The following KCNJ3 variants were observed in gnomAD, a reference collection of about 807,000 sequenced individuals.
The protein encoded by KCNJ3 is potassium inwardly rectifying channel subfamily J member 3.
In KCNJ3, 4 loss-of-function variants were observed where a neutral mutation model predicts 39.2. The ratio of observed to expected loss-of-function variants is 0.10; its 90% CI spans 0.05 to 0.23. The LOEUF (loss-of-function observed/expected upper bound fraction) is 0.23, where lower values mean the gene tolerates loss of function less well. Among genes scored for constraint, KCNJ3 ranks in the 10% least tolerant of loss-of-function variants. The pLI, the probability that KCNJ3 is intolerant of heterozygous loss-of-function variation, is 1.00. For synonymous variants in KCNJ3, 230 were observed against 237.4 expected (o/e 0.97, Z 0.29); for missense variants, 276 against 634.9 (o/e 0.43, Z 6.08).
At chr2:154,806,203 A>G (rs1225707812) in intron 2 of KCNJ3, among the ~76,000 whole-genome samples, 1 of 152,192 alleles carries the variant, frequency 6.6e-6, no homozygotes, top group Non-Finnish European at 1.5e-5. Flanking sequence ...GAATACTGAC[A>G]GAAGACACAA....
intron 2 of KCNJ3, among the ~76,000 whole-genome samples, chr2:154,817,947 C>G (rs189654099): frequency 4.3e-4 from 62 of 145,720 alleles, no homozygotes; most frequent in African/African-American, 1.5e-3. Context: ...ATTTATTAAT[C>G]AAATAAGAAA....
chr2:154,843,721 G>C (rs1303408019), intron 2 of KCNJ3, among the ~76,000 whole-genome samples: 2 of 151,974 alleles, frequency 1.3e-5, no homozygotes, highest in Admixed American at 1.3e-4. Flanking sequence ...TATTCCACTT[G>C]ATCAAATCGG....
chr2:154,745,107 C>G (rs1685717382), intron 2 of KCNJ3, among the ~76,000 whole-genome samples: 1 of 151,804 alleles, frequency 6.6e-6, no homozygotes, highest in South Asian at 2.1e-4. Context: ...CATTTAAAAC[C>G]TCTTACATTT....
intron 2 of KCNJ3, among the ~76,000 whole-genome samples, chr2:154,760,738 T>G (rs79749455): frequency 7.2e-6 from 1 of 138,366 alleles, no homozygotes; most frequent in Non-Finnish European, 1.5e-5. Context: ...TTTTTTTCTT[T>G]TTTTTTTTTT....
At chr2:154,705,165 T>C (rs1191056015) in intron 1 of KCNJ3, among the ~76,000 whole-genome samples, 1 of 152,176 alleles carries the variant, frequency 6.6e-6, no homozygotes, top group Non-Finnish European at 1.5e-5. Context: ...AAGAACGTAG[T>C]TACATATTAG....
intron 2 of KCNJ3, among the ~76,000 whole-genome samples, chr2:154,756,808 A>T (rs918427036): frequency 1.3e-5 from 2 of 152,060 alleles, no homozygotes; most frequent in Non-Finnish European, 2.9e-5. Context: ...TAATAGAGCA[A>T]AGCCCTTTGT....
chr2:154,822,568 C>T (rs906620302), intron 2 of KCNJ3, among the ~76,000 whole-genome samples: 1 of 152,142 alleles, frequency 6.6e-6, no homozygotes, highest in Non-Finnish European at 1.5e-5. Context: ...GTAGTTGGCA[C>T]TTTATGTAGC....
chr2:154,726,242 A>G (rs1685355281), intron 2 of KCNJ3, among the ~76,000 whole-genome samples: 1 of 152,204 alleles, frequency 6.6e-6, no homozygotes, highest in Non-Finnish European at 1.5e-5. Context: ...TCCAGAATTT[A>G]TAAGAAACTC....
chr2:154,804,288 A>G (rs991801), intron 2 of KCNJ3, among the ~76,000 whole-genome samples: 113,857 of 151,994 alleles, frequency 0.75, 43,644 homozygotes, highest in East Asian at 0.95. Flanking sequence ...TGTCTGTAAG[A>G]AAATAATGAT....
chr2:154,764,636 A>T (rs1416649929), intron 2 of KCNJ3, among the ~76,000 whole-genome samples: 3 of 152,172 alleles, frequency 2.0e-5, no homozygotes, highest in Non-Finnish European at 4.4e-5. Flanking sequence ...CCTGGGCTAC[A>T]TTGGAAGAAT....
chr2:154,716,568 A>G (rs1346634862), intron 2 of KCNJ3, among the ~76,000 whole-genome samples: 2 of 152,122 alleles, frequency 1.3e-5, no homozygotes, highest in African/African-American at 4.8e-5. Flanking sequence ...TGCTCTTATA[A>G]TTAACACATT....
chr2:154,791,762 C>T (rs1018267481), intron 2 of KCNJ3, among the ~76,000 whole-genome samples: 6 of 151,942 alleles, frequency 3.9e-5, no homozygotes, highest in Non-Finnish European at 8.8e-5. Context: ...GTTAGTGATT[C>T]AAGCAGAAAA....
chr2:154,767,045 T>A (rs1686147349), intron 2 of KCNJ3, among the ~76,000 whole-genome samples: 1 of 152,158 alleles, frequency 6.6e-6, no homozygotes, highest in Admixed American at 6.5e-5. Context: ...AACTGTCACT[T>A]TTAATTCAAC....
At chr2:154,818,775 A>G (rs1274906160) in intron 2 of KCNJ3, among the ~76,000 whole-genome samples, 1 of 152,184 alleles carries the variant, frequency 6.6e-6, no homozygotes, top group Non-Finnish European at 1.5e-5. Context: ...GATTACATGC[A>G]TGGAAGTTTC....
intron 2 of KCNJ3, among the ~76,000 whole-genome samples, chr2:154,779,922 C>T (rs186779104): frequency 6.6e-6 from 1 of 152,014 alleles, no homozygotes; most frequent in East Asian, 1.9e-4. Flanking sequence ...TCAAAACATG[C>T]CTCTGTTTGT....
intron 2 of KCNJ3, among the ~76,000 whole-genome samples, chr2:154,821,537 GCTTT>G (rs1687177460): frequency 6.6e-6 from 1 of 151,712 alleles, no homozygotes; most frequent in Non-Finnish European, 1.5e-5. Flanking sequence ...CCTTGGGATG[GCTTT>G]CTAATTTAAA....
intron 2 of KCNJ3, among the ~76,000 whole-genome samples, chr2:154,752,803 T>C (rs1455062283): frequency 6.6e-6 from 1 of 152,004 alleles, no homozygotes; most frequent in African/African-American, 2.4e-5. Context: ...CATAAACATA[T>C]AGAACACTAT....
intron 2 of KCNJ3, among the ~76,000 whole-genome samples, chr2:154,831,998 T>C (rs1316796839): frequency 1.3e-5 from 2 of 152,076 alleles, no homozygotes; most frequent in East Asian, 1.9e-4. Context: ...ACAGAGATCA[T>C]GTGGTGACAA....
intron 2 of KCNJ3, among the ~76,000 whole-genome samples, chr2:154,731,683 A>G (rs937875033): frequency 2.7e-5 from 4 of 150,116 alleles, no homozygotes; most frequent in African/African-American, 7.4e-5. Flanking sequence ...ACCTTTTCAA[A>G]TAGGTGATAG....
Sources: gnomAD v4.1 joint callset for allele counts (sites outside exome capture counted in the v4.1 genomes callset) on GRCh38, gnomAD v4.1.1 for gene constraint, MANE v1.5 for transcripts, NCBI Gene and HGNC (gene_info 2026-07-23, HGNC 2026-07-21) for gene names.